The following ABCA12 variants were observed in gnomAD, a reference collection of about 807,000 sequenced individuals.
ABCA12 encodes the protein ATP binding cassette subfamily A member 12.
ABCA12 carries 156 observed loss-of-function variants against 293.5 expected under a neutral mutation model. That is an observed-to-expected ratio of 0.53 (90% CI 0.47 to 0.61). ABCA12 has a LOEUF of 0.61. Among genes scored for constraint, ABCA12 ranks in the 20% least tolerant of loss-of-function variants. ABCA12 has a pLI of 0.00. For missense variants in ABCA12, 2,797 were observed against 3,090.2 expected, an observed-to-expected ratio of 0.91 and a Z score of 2.25; for synonymous variants, 1,063 against 1,108.0, an observed-to-expected ratio of 0.96 and a Z score of 0.81.
chr2:215,106,882 G>A (rs967993690), intron 2 of ABCA12, among the ~76,000 whole-genome samples: 3 of 151,986 alleles, frequency 2.0e-5, no homozygotes, highest in African/African-American at 7.3e-5. Flanking sequence ...TTCAATTCAT[G>A]GCTGGCTCCT....
Position 215,032,110 on chromosome 2 carries a change from C to G in ABCA12, c.986-214G>C, listed in dbSNP as rs1163199156. On this transcript the variant is annotated intron_variant, in intron 8 of 52. Coordinates refer to ENST00000272895, the MANE Select transcript of ABCA12 (RefSeq NM_173076.3). ...ATAGATGCCTACTGATCAAAATAAT[C>G]CCGATGGTCAAGCATATGCATTTCT... 2.1e-6 allele frequency: 3 copies of G among 1,413,464 alleles called. No individual in the cohort carries two copies. The African/African-American group carries it at 4.3e-5, about 20-fold the overall frequency. 87.6% of individuals were successfully genotyped at this position (1,413,464 alleles called of 1,614,324 possible).
intron 1 of ABCA12, among the ~76,000 whole-genome samples, chr2:215,113,569 A>C (rs753082678): frequency 2.6e-5 from 4 of 152,192 alleles, no homozygotes; most frequent in Non-Finnish European, 5.9e-5. Context: ...CTTTGAGGAG[A>C]GTGGATCTAG....
At chr2:215,044,062 AT>A (rs111340290) in intron 7 of ABCA12, among the ~76,000 whole-genome samples, 18 of 151,778 alleles carry the variant, frequency 1.2e-4, no homozygotes, top group Non-Finnish European at 2.2e-4. Context: ...TTGTTTTGCC[AT>A]TTTTTTATAG....
Position 214,947,504 on chromosome 2 carries a change from G to A in ABCA12, c.7157C>T (p.Ala2386Val), listed in dbSNP as rs1698619503. 1 of 1,613,934 alleles carries A rather than the reference G, an allele frequency of 6.2e-7. No individual in the cohort carries two copies. The highest frequency in any genetic ancestry group is 1.3e-5 in the African/African-American group (1 of 75,032). The stretch of plus-strand genomic sequence containing the variant: ...TGTGCCATAACTGCACATAGAGGTA[G>A]CTCTGTCCTTGAAGGGCATCAGGTG... ...RLHLMPFKDR[A>V]TSMCSYGTKR... Residue 2386 changes from alanine (A) to valine (V), a missense_variant, in exon 48 of 53, where the codon GCT becomes GTT. Coordinates refer to ENST00000272895, the MANE Select transcript of ABCA12 (RefSeq NM_173076.3).
At chr2:215,003,228 T>A (rs189442290) in intron 20 of ABCA12, among the ~76,000 whole-genome samples, 215 of 152,294 alleles carry the variant, frequency 1.4e-3, no homozygotes, top group African/African-American at 5.1e-3. Flanking sequence ...CATGGTTGCA[T>A]AGCAACAGTG....
intron 50 of ABCA12, among the ~76,000 whole-genome samples, chr2:214,940,387 C>T (rs1171426440): frequency 3.3e-5 from 5 of 152,190 alleles, no homozygotes; most frequent in African/African-American, 9.6e-5. Context: ...TGAGGATTTT[C>T]ACATTGATGT....
intron 2 of ABCA12, among the ~76,000 whole-genome samples, chr2:215,091,067 G>T (rs1702132026): frequency 6.6e-6 from 1 of 152,026 alleles, no homozygotes. Flanking sequence ...TGACGTCCAG[G>T]CATTCTTTTA....
intron 2 of ABCA12, among the ~76,000 whole-genome samples, chr2:215,083,090 A>C (rs146972323): frequency 6.6e-6 from 1 of 152,292 alleles, no homozygotes; most frequent in African/African-American, 2.4e-5. Flanking sequence ...CCTCTAATTA[A>C]AACCTCTTCC....
intron 3 of ABCA12, among the ~76,000 whole-genome samples, chr2:215,061,763 A>G (rs1701532533): frequency 6.6e-6 from 1 of 152,068 alleles, no homozygotes; most frequent in Non-Finnish European, 1.5e-5. Flanking sequence ...AGTAAAGCAG[A>G]CATGATCAGC....
Position 215,012,038 on chromosome 2 carries a change from T to A in ABCA12, c.2054A>T (p.His685Leu). 6.2e-7 allele frequency: 1 copy of A among 1,614,050 alleles called. No individual in the cohort carries two copies. The highest frequency in any genetic ancestry group is 8.5e-7 in the Non-Finnish European group (1 of 1,179,932). Reference sequence around the variant, plus strand: ...GGATCTCATTTTGTCTAGCAGCGGATGTGTGCCAGAAGCCATCTGATTGAG... The same window carrying A: ...GGATCTCATTTTGTCTAGCAGCGGAAGTGTGCCAGAAGCCATCTGATTGAG... ...EILNQMASGT[H>L]PLLDKMRSLK... Residue 685 changes from histidine (H) to leucine (L), a missense_variant, in exon 16 of 53, where the codon CAT becomes CTT. Physicochemically the swap from His to Leu is moderately conservative, Grantham distance 99. Transcript: ENST00000272895.
chr2:215,028,514 C>T (rs1036287348), intron 9 of ABCA12, among the ~76,000 whole-genome samples: 2 of 152,100 alleles, frequency 1.3e-5, no homozygotes, highest in African/African-American at 4.8e-5. Flanking sequence ...TGGACTCAGA[C>T]CTTAGAGATT....
At chr2:215,007,874 T>A in intron 18 of ABCA12, 28 bp from the exon 19 acceptor site, 2 of 1,613,500 alleles carry the variant, frequency 1.2e-6, no homozygotes, top group Non-Finnish European at 1.7e-6. Flanking sequence ...AAAAGAAGTG[T>A]GATCCATTAG....
intron 7 of ABCA12, among the ~76,000 whole-genome samples, chr2:215,041,551 C>CAAA (rs74770979): frequency 0.094 from 8,072 of 86,316 alleles, 719 homozygotes; most frequent in African/African-American, 0.23. Flanking sequence ...GACTCCATCT[C>CAAA]AAAAAAAAAA....
intron 50 of ABCA12, among the ~76,000 whole-genome samples, chr2:214,941,659 A>T (rs1345330801): frequency 6.6e-6 from 1 of 151,792 alleles, no homozygotes; most frequent in Non-Finnish European, 1.5e-5. Context: ...TATATTTAGG[A>T]TAGTTAGCTC....
At position 214,932,530 on chromosome 2, in the gene ABCA12, T is replaced by G; in HGVS notation, c.*104A>C. ...AGTTGTAACTTTCCATACAGTATAT[T>G]ACTTTACTTTAAAATGAAGATATCT... is the stretch of plus-strand genomic sequence containing the variant. On this transcript the variant is annotated 3_prime_UTR_variant, in exon 53 of 53. Coordinates refer to ENST00000272895, the MANE Select transcript of ABCA12 (RefSeq NM_173076.3). 1 of 877,814 alleles carries G rather than the reference T, an allele frequency of 1.1e-6. No individual in the cohort carries two copies. Among genetic ancestry groups the G allele is most frequent in the Non-Finnish European group, 1.9e-6 (1 of 535,938 alleles). The allele number at this position is 877,814 out of a possible 1,614,324, so 54.4% of individuals were successfully genotyped here.
At chr2:214,991,868 C>T (rs1014484501) in intron 23 of ABCA12, among the ~76,000 whole-genome samples, 8 of 152,024 alleles carry the variant, frequency 5.3e-5, no homozygotes, top group Non-Finnish European at 1.2e-4. Flanking sequence ...GAACATCACA[C>T]ACCAGGGCCT....
intron 18 of ABCA12, among the ~76,000 whole-genome samples, chr2:215,008,584 G>T (rs953663220): frequency 6.6e-6 from 1 of 152,024 alleles, no homozygotes; most frequent in South Asian, 2.1e-4. Flanking sequence ...TATAAAAAAG[G>T]ATTAAAATGC....
At chr2:215,117,958 T>G (rs555250288) in intron 1 of ABCA12, among the ~76,000 whole-genome samples, 2 of 152,348 alleles carry the variant, frequency 1.3e-5, no homozygotes, top group African/African-American at 4.8e-5. Context: ...ATAGGGAAAG[T>G]ACTCTCTAGT....
Position 215,018,135 on chromosome 2 carries a change from G to C in ABCA12, c.1658-3C>G. On this transcript the variant is annotated splice_region_variant and splice_polypyrimidine_tract_variant and intron_variant, in intron 13 of 52. Coordinates refer to ENST00000272895, the MANE Select transcript of ABCA12 (RefSeq NM_173076.3). ...TTTAAACATTTCTAGTAACTGACCT[G>C]CAAGAAGAAAAATGTAAAAAGAAAA... is the stretch of plus-strand genomic sequence containing the variant. The C allele has an allele frequency of 6.2e-7, 1 of 1,611,346 alleles. No individual in the cohort carries two copies. The highest frequency in any genetic ancestry group is 1.3e-5 in the African/African-American group (1 of 75,012).
Sources: gnomAD v4.1 joint callset for allele counts (sites outside exome capture counted in the v4.1 genomes callset) on GRCh38, gnomAD v4.1.1 for gene constraint, MANE v1.5 for transcripts, NCBI Gene and HGNC (gene_info 2026-07-23, HGNC 2026-07-21) for gene names.